Variants in TRANK1 observed in about 807,000 individuals in gnomAD.
TRANK1 encodes TPR and ankyrin repeat-containing protein 1.
Under a neutral mutation model 266.0 loss-of-function variants are expected in TRANK1, and 198 were observed. The ratio of observed to expected loss-of-function variants is 0.74; its 90% confidence interval spans 0.66 to 0.84. TRANK1 has a LOEUF of 0.84. TRANK1 is among the 40% of genes least tolerant of loss of function. TRANK1 has a pLI of 0.00. For missense variants in TRANK1, 3,326 were observed against 3,634.6 expected (o/e 0.92, Z 2.18); for synonymous variants, 1,396 against 1,384.1 (o/e 1.01, Z -0.19).
intron 5 of TRANK1, among the ~76,000 whole-genome samples, chr3:36,893,670 T>C (rs891670933): frequency 6.6e-6 from 1 of 152,176 alleles, no homozygotes; most frequent in African/African-American, 2.4e-5. Context: ...TAAGCCAGTT[T>C]TCACAGGTCT....
Position 36,856,286 on chromosome 3 carries a change from C to G in TRANK1, c.3436G>C (p.Glu1146Gln). ...TCTATGCTTTCTACTGTTTCCACTT[C>G]AATAGAATCTTCCTCTTCCTCGTCC... ...EEDEEEEDSI[E>Q]VETVESIDEQ... The change falls in exon 13 of 24, where the codon GAA becomes CAA. Residue 1146 changes from glutamate to glutamine, a missense_variant. Glu to Gln is a conservative substitution (Grantham distance 29, BLOSUM62 2). Transcript: ENST00000645898. The G allele has an allele frequency of 5.0e-6, 8 of 1,596,206 alleles. No individual in the cohort carries two copies. Among genetic ancestry groups the G allele is most frequent in the Non-Finnish European group, 6.0e-6 (7 of 1,170,956 alleles).
intron 9 of TRANK1, among the ~76,000 whole-genome samples, chr3:36,869,729 T>C (rs1345465478): frequency 6.6e-6 from 1 of 152,260 alleles, no homozygotes; most frequent in Non-Finnish European, 1.5e-5. Flanking sequence ...AGCTACATTA[T>C]CCCATACATG....
intron 1 of TRANK1, among the ~76,000 whole-genome samples, chr3:36,937,959 GCTAA>G (rs2080445996): frequency 6.6e-6 from 1 of 152,154 alleles, no homozygotes; most frequent in Admixed American, 6.5e-5. Context: ...GCATTTAAAT[GCTAA>G]CTAATGCCCT....
rs903855207 is a variant in TRANK1 at position 36,838,605 on chromosome 3, ACT to A, written c.5384+6_5384+7del. Reference sequence around the variant, plus strand: ...GGAGCAAACCAGAAGTGATCCCAAGACTCTTACTTGGGGCTGACTTTCTTGGA... The same window carrying A: ...GGAGCAAACCAGAAGTGATCCCAAGACTTACTTGGGGCTGACTTTCTTGGA... On this transcript the variant is annotated splice_donor_region_variant and intron_variant, in intron 19 of 23. Coordinates refer to ENST00000645898, the MANE Select transcript of TRANK1 (RefSeq NM_001329998.2). 2.5e-6 allele frequency: 4 copies of A among 1,613,648 alleles called. No individual in the cohort carries two copies. The highest frequency in any genetic ancestry group is 2.5e-6 in the Non-Finnish European group (3 of 1,179,800).
At chr3:36,922,913 G>A (rs370654165) in intron 1 of TRANK1, among the ~76,000 whole-genome samples, 30 of 152,282 alleles carry the variant, frequency 2.0e-4, no homozygotes, top group East Asian at 1.3e-3. Flanking sequence ...AGGAAGTCAC[G>A]CTGGCAGGGC....
Position 36,884,383 on chromosome 3 carries a change from G to A in TRANK1, c.907+5446C>T, listed in dbSNP as rs1276182379. Among the ~76,000 whole-genome samples the A allele has an allele frequency of 3.3e-5, 5 of 152,158 alleles. No homozygotes were observed. The East Asian group carries it at 9.6e-4, about 29-fold the overall frequency. The stretch of plus-strand genomic sequence containing the variant: ...GTGGTTGATTCCAGGGCTGGGACAG[G>A]GACCACGCAATATGAACCTGGAACA... On this transcript the variant is annotated intron_variant, in intron 8 of 23. Coordinates refer to ENST00000645898, the MANE Select transcript of TRANK1 (RefSeq NM_001329998.2).
At chr3:36,829,753 G>T (rs1049090234) in intron 22 of TRANK1, 91 bp from the exon 23 acceptor site, 12 of 1,354,866 alleles carry the variant, frequency 8.9e-6, no homozygotes, top group South Asian at 1.2e-5. Flanking sequence ...CACATCCCAA[G>T]AGCTGGTCTC....
chr3:36,842,795 C>T (rs780136211), intron 17 of TRANK1, 85 bp from the exon 18 acceptor site: 32 of 1,163,402 alleles, frequency 2.8e-5, no homozygotes, highest in Admixed American at 7.9e-5. Flanking sequence ...GCATCTCCTC[C>T]GCCAGCCATC....
chr3:36,832,317 G>T lies in TRANK1; in HGVS notation c.7266C>A (p.Asn2422Lys), dbSNP rs1438814638. Residue 2422 changes from asparagine to lysine, a missense_variant, in exon 22 of 24, where the codon AAC (asparagine) becomes AAA (lysine). Physicochemically the swap from Asn to Lys is moderately conservative, Grantham distance 94. Coordinates refer to ENST00000645898, the MANE Select transcript of TRANK1 (RefSeq NM_001329998.2). ...AAAAGAGCCTCTTGTAGTCTTCTGGGTTCCTGTACACGTAGAATTGATCAA... is the reference window on the plus strand; with the variant it reads ...AAAAGAGCCTCTTGTAGTCTTCTGGTTTCCTGTACACGTAGAATTGATCAA... ...NCIDQFYVYR[N>K]PEDYKRLFFR... 6.2e-7 allele frequency: 1 copy of T among 1,613,988 alleles called. No homozygotes were observed. Among genetic ancestry groups the T allele is most frequent in the Admixed American group, 1.7e-5 (1 of 60,030 alleles).
chr3:36,847,634 C>G (rs2078933498), intron 15 of TRANK1, among the ~76,000 whole-genome samples: 2 of 152,172 alleles, frequency 1.3e-5, no homozygotes, highest in African/African-American at 4.8e-5. Flanking sequence ...GGGAGTTATT[C>G]TCATTGAAAG....
intron 20 of TRANK1, among the ~76,000 whole-genome samples, chr3:36,837,843 C>T (rs565615726): frequency 6.6e-6 from 1 of 152,220 alleles, no homozygotes. Flanking sequence ...TAACAATGAG[C>T]ACTTGCCATT....
intron 17 of TRANK1, 142 bp from the exon 18 acceptor site, chr3:36,842,852 T>C: frequency 2.7e-6 from 2 of 751,122 alleles, no homozygotes; most frequent in East Asian, 5.4e-5. Context: ...AGAATGTGGC[T>C]GCATTTGGAG....
At chr3:36,924,739 G>T (rs928048943) in intron 1 of TRANK1, among the ~76,000 whole-genome samples, 1 of 152,048 alleles carries the variant, frequency 6.6e-6, no homozygotes, top group Admixed American at 6.5e-5. Flanking sequence ...GGTGCGAAAG[G>T]CCAGGCCACT....
intron 18 of TRANK1, among the ~76,000 whole-genome samples, chr3:36,839,555 GCA>G (rs1268315238): frequency 6.6e-6 from 1 of 152,146 alleles, no homozygotes; most frequent in Non-Finnish European, 1.5e-5. Flanking sequence ...CAGGGCCTTT[GCA>G]CACACTGTTC....
At position 36,857,258 on chromosome 3, in the gene TRANK1, T is replaced by C; in HGVS notation, c.2464A>G (p.Ile822Val). 1 of 1,611,912 alleles carries C rather than the reference T, an allele frequency of 6.2e-7. No homozygotes were observed. Among genetic ancestry groups the C allele is most frequent in the Non-Finnish European group, 8.5e-7 (1 of 1,178,836 alleles). The change falls in exon 13 of 24, where the codon ATT (isoleucine) becomes GTT (valine). Residue 822 changes from isoleucine to valine, a missense_variant. Ile to Val is a conservative substitution (Grantham distance 29). Transcript: ENST00000645898. The surrounding 1 kb of genome is among the most constrained non-coding windows in gnomAD (Gnocchi z 4.3). ...TCGAAGTCCTGGAGGCAGGCCTCAA[T>C]CTCCTGCGTGCTCCAGTCATCCTGA... ...DDQDDWSTQE[I>V]EACLQDFDNM...
chr3:36,851,225 C>T, intron 15 of TRANK1: 4 of 986,108 alleles, frequency 4.1e-6, no homozygotes, highest in Non-Finnish European at 4.8e-6. Context: ...AGAGGGGTCT[C>T]TCATGCAAGG....
chr3:36,900,754 A>C (rs186734063), intron 3 of TRANK1, among the ~76,000 whole-genome samples: 190 of 149,932 alleles, frequency 1.3e-3, no homozygotes, highest in Admixed American at 0.01. Flanking sequence ...TGGTGGTGCA[A>C]GCCTGTAGTC....
rs1559433634 is a variant in TRANK1 at position 36,857,898 on chromosome 3, CT to C, written c.1823del (p.Lys608ArgfsTer4). ...LFQKGMLKRV[K>X]KLLDLLVKFD... ...ACTTCACCAGCAGGTCTAACAGCTT[CT>C]TCACGCGCTTTAGCATGCCCTTCTG... is the stretch of plus-strand genomic sequence containing the variant. On this transcript the variant is annotated frameshift_variant, in exon 13 of 24. Coordinates refer to ENST00000645898, the MANE Select transcript of TRANK1 (RefSeq NM_001329998.2). LOFTEE classifies it high-confidence loss of function. The surrounding 1 kb of genome is among the most constrained non-coding windows in gnomAD (Gnocchi z 4.3). 1 of 1,610,922 alleles carries C rather than the reference CT, an allele frequency of 6.2e-7. No homozygotes were observed. The highest frequency in any genetic ancestry group is 1.7e-5 in the Admixed American group (1 of 60,030).
At chr3:36,919,474 C>T (rs1040408520) in intron 1 of TRANK1, among the ~76,000 whole-genome samples, 1 of 152,174 alleles carries the variant, frequency 6.6e-6, no homozygotes, top group Non-Finnish European at 1.5e-5. Context: ...TCTCTTATTG[C>T]TGTGTAGTGT....
Sources: gnomAD v4.1 joint callset for allele counts (sites outside exome capture counted in the v4.1 genomes callset) on GRCh38, gnomAD v4.1.1 for gene constraint, Gnocchi (gnomAD v3.1) non-coding constraint, MANE v1.5 for transcripts, NCBI Gene and HGNC (gene_info 2026-07-23, HGNC 2026-07-21) for gene names.